The following CTNNA3 variants were observed in gnomAD, a reference collection of about 807,000 sequenced individuals.
CTNNA3 encodes catenin alpha 3.
In CTNNA3, 76 loss-of-function variants were observed where a neutral mutation model predicts 95.7. The observed-to-expected ratio is 0.79, with a 90% CI of 0.66 to 0.96. CTNNA3 has a LOEUF of 0.96. Among genes scored for constraint, CTNNA3 ranks in the 40% least tolerant of loss-of-function variants. CTNNA3 has a pLI of 0.00. For synonymous variants in CTNNA3, 431 were observed against 374.4 expected, an observed-to-expected ratio of 1.15 and a Z score of -1.74; for missense variants, 1,191 against 1,089.8, an observed-to-expected ratio of 1.09 and a Z score of -1.31.
chr10:66,711,979 T>C (rs1848310901), intron 9 of CTNNA3, among the ~76,000 whole-genome samples: 2 of 152,138 alleles, frequency 1.3e-5, no homozygotes. Flanking sequence ...CAGCCATCTT[T>C]TCTGACTGCT....
At chr10:66,354,484 AATT>A (rs1230014025) in intron 12 of CTNNA3, among the ~76,000 whole-genome samples, 2 of 152,004 alleles carry the variant, frequency 1.3e-5, no homozygotes, top group Non-Finnish European at 2.9e-5. Flanking sequence ...TGAAAATCTG[AATT>A]ATTATAACTA....
At chr10:66,728,003 G>A (rs1054332848) in intron 9 of CTNNA3, among the ~76,000 whole-genome samples, 4 of 152,056 alleles carry the variant, frequency 2.6e-5, no homozygotes, top group Admixed American at 6.6e-5. Flanking sequence ...GTAGTAGGAC[G>A]CTTACATCAT....
chr10:66,379,037 A>G, intron 12 of CTNNA3, 115 bp downstream of exon 12: 2 of 832,392 alleles, frequency 2.4e-6, no homozygotes, highest in Admixed American at 4.1e-5. Flanking sequence ...ACTGTATAGC[A>G]ATGTATGTCA....
intron 10 of CTNNA3, among the ~76,000 whole-genome samples, chr10:66,592,883 A>G (rs1357606162): frequency 1.3e-5 from 2 of 152,164 alleles, no homozygotes; most frequent in African/African-American, 2.4e-5. Context: ...GAGGTAAGCT[A>G]CTGTAATAAT....
chr10:67,715,550 T>C (rs1023153510), intron 1 of CTNNA3, among the ~76,000 whole-genome samples: 2 of 152,118 alleles, frequency 1.3e-5, no homozygotes, highest in African/African-American at 4.8e-5. Context: ...GTCTATCTAG[T>C]AGGACACTGT....
intron 1 of CTNNA3, among the ~76,000 whole-genome samples, chr10:67,742,865 T>A (rs1383956551): frequency 1.3e-5 from 2 of 151,244 alleles, no homozygotes; most frequent in Non-Finnish European, 3.0e-5. Flanking sequence ...CAGAGAATAC[T>A]ATAAACACCT....
At chr10:67,496,512 T>A (rs2133090975) in intron 5 of CTNNA3, among the ~76,000 whole-genome samples, 1 of 152,312 alleles carries the variant, frequency 6.6e-6, no homozygotes, top group Admixed American at 6.5e-5. Flanking sequence ...CAGGAGGTTC[T>A]CACCCCTCTG....
chr10:66,046,182 C>T (rs2079824734), intron 15 of CTNNA3, among the ~76,000 whole-genome samples: 1 of 152,094 alleles, frequency 6.6e-6, no homozygotes, highest in South Asian at 2.1e-4. Context: ...CCTCCCCCAC[C>T]CAGAGAAGTG....
At chr10:66,933,743 G>T (rs35973901) in intron 7 of CTNNA3, among the ~76,000 whole-genome samples, 6,616 of 152,156 alleles carry the variant, frequency 0.043, 176 homozygotes, top group Middle Eastern at 0.085. Context: ...AATGTACAGG[G>T]ACTTCCTTTT....
intron 13 of CTNNA3, among the ~76,000 whole-genome samples, chr10:66,154,098 G>A (rs1182820065): frequency 2.0e-5 from 3 of 151,680 alleles, no homozygotes; most frequent in Admixed American, 6.6e-5. Context: ...AATAAATAAG[G>A]CAGTCACTAC....
chr10:67,697,758 T>C (rs1002256466), upstream of CTNNA3, among the ~76,000 whole-genome samples: 1 of 151,198 alleles, frequency 6.6e-6, no homozygotes, highest in Middle Eastern at 3.4e-3. Flanking sequence ...GGTTTTTTTT[T>C]AATTCCTTCA....
chr10:66,755,936 T>G (rs995711492), intron 9 of CTNNA3, among the ~76,000 whole-genome samples: 1 of 152,288 alleles, frequency 6.6e-6, no homozygotes, highest in East Asian at 1.9e-4. Flanking sequence ...TGCCATTTAC[T>G]TTTATTTAGC....
intron 13 of CTNNA3, among the ~76,000 whole-genome samples, chr10:66,280,033 G>C (rs2091466002): frequency 6.6e-6 from 1 of 151,918 alleles, no homozygotes; most frequent in Non-Finnish European, 1.5e-5. Context: ...AGAACACTCT[G>C]TGATTTTATG....
chr10:66,775,381 G>T, intron 8 of CTNNA3, 63 bp downstream of exon 8: 1 of 1,059,690 alleles, frequency 9.4e-7, no homozygotes, highest in Non-Finnish European at 1.4e-6. Context: ...AAATATGCCT[G>T]CAATGAATAA....
At chr10:66,447,791 A>T (rs10997131) in intron 11 of CTNNA3, among the ~76,000 whole-genome samples, 18,372 of 151,844 alleles carry the variant, frequency 0.12, 1,575 homozygotes, top group African/African-American at 0.24. Context: ...CTAAAACACC[A>T]AAAGCAATGG....
intron 5 of CTNNA3, among the ~76,000 whole-genome samples, chr10:67,256,935 T>C (rs1168228876): frequency 6.6e-6 from 1 of 152,108 alleles, no homozygotes; most frequent in African/African-American, 2.4e-5. Context: ...AAATTAAAAT[T>C]GCAAAATGCA....
chr10:66,644,966 C>A (rs1845655387), intron 9 of CTNNA3, among the ~76,000 whole-genome samples: 1 of 152,122 alleles, frequency 6.6e-6, no homozygotes, highest in South Asian at 2.1e-4. Context: ...TTCCCCATTT[C>A]TAAATTTTAT....
chr10:66,349,592 G>C (rs72802866), intron 12 of CTNNA3, among the ~76,000 whole-genome samples: 1 of 151,966 alleles, frequency 6.6e-6, no homozygotes, highest in Non-Finnish European at 1.5e-5. Context: ...TCACAACTAC[G>C]CTAACTTTTC....
chr10:67,739,179 G>C (rs1378665907), intron 1 of CTNNA3, among the ~76,000 whole-genome samples: 1 of 152,134 alleles, frequency 6.6e-6, no homozygotes, highest in Non-Finnish European at 1.5e-5. Context: ...AAAATGGTAA[G>C]GGCAGCCAGA....
Sources: gnomAD v4.1 joint callset for allele counts (sites outside exome capture counted in the v4.1 genomes callset) on GRCh38, gnomAD v4.1.1 for gene constraint, MANE v1.5 for transcripts, NCBI Gene and HGNC (gene_info 2026-07-23, HGNC 2026-07-21) for gene names.